BTBD8: variants seen among roughly 807,000 people sequenced by gnomAD.
The protein encoded by BTBD8 is BTB domain containing 8, also known as BTB/POZ domain-containing protein 8.
In BTBD8, 110 loss-of-function variants were observed where a neutral mutation model predicts 162.9. That is an observed-to-expected ratio of 0.68 (90% confidence interval 0.58 to 0.79). BTBD8 has a LOEUF of 0.79. BTBD8 is among the 30% of genes least tolerant of loss of function. The probability of loss-of-function intolerance (pLI) is 0.00; values close to 1 mark genes in which losing one functional copy is unlikely to be tolerated. For missense variants in BTBD8, 1,905 were observed against 2,085.4 expected (o/e 0.91, Z 1.68); for synonymous variants, 667 against 716.1 (o/e 0.93, Z 1.10).
intron 2 of BTBD8, among the ~76,000 whole-genome samples, chr1:92,099,019 T>C (rs1011104030): frequency 2.6e-5 from 4 of 152,234 alleles, no homozygotes; most frequent in Admixed American, 6.5e-5. Flanking sequence ...AACAGTTTTG[T>C]ACTTTTAGCT....
At chr1:92,101,053 G>A (rs980397666) in intron 2 of BTBD8, among the ~76,000 whole-genome samples, 3 of 152,230 alleles carry the variant, frequency 2.0e-5, no homozygotes, top group Admixed American at 1.3e-4. Context: ...TATCCAATTT[G>A]TAGTCTTTTA....
chr1:92,087,708 A>G (rs574256706), intron 1 of BTBD8, among the ~76,000 whole-genome samples: 3 of 152,340 alleles, frequency 2.0e-5, no homozygotes, highest in Admixed American at 6.5e-5. Flanking sequence ...GGAAGGAGCC[A>G]TTAACTTGGT....
chr1:92,119,908 T>C (rs927322184), intron 4 of BTBD8, among the ~76,000 whole-genome samples: 3 of 135,130 alleles, frequency 2.2e-5, no homozygotes, highest in Non-Finnish European at 4.6e-5. Flanking sequence ...TTTTTTTTTT[T>C]TTTTTTTTTT....
intron 5 of BTBD8, among the ~76,000 whole-genome samples, chr1:92,131,178 T>C (rs997091213): frequency 2.0e-5 from 3 of 152,198 alleles, no homozygotes; most frequent in Admixed American, 6.5e-5. Context: ...TTCAGAAATA[T>C]ACATTTAGAG....
Position 92,167,087 on chromosome 1 carries a change from G to GT in BTBD8, c.1253dup (p.Asp419ArgfsTer10). 1 of 1,550,522 alleles carries GT rather than the reference G, an allele frequency of 6.4e-7. No homozygotes were observed. Among genetic ancestry groups the GT allele is most frequent in the Non-Finnish European group, 8.7e-7 (1 of 1,146,986 alleles). On this transcript the variant is annotated frameshift_variant, in exon 10 of 18. Transcript: ENST00000636805. LOFTEE classifies it high-confidence loss of function. Reference sequence around the variant, plus strand: ...TCAAGAAAAATGTATTGCATTTATTGTAGACAACTTCTCCAAGATTATTCA... The same window carrying GT: ...TCAAGAAAAATGTATTGCATTTATTGTTAGACAACTTCTCCAAGATTATTCA...
intron 3 of BTBD8, among the ~76,000 whole-genome samples, chr1:92,105,047 C>T (rs1360397782): frequency 6.6e-6 from 1 of 152,046 alleles, no homozygotes; most frequent in East Asian, 1.9e-4. Context: ...ATTCTCCTGC[C>T]TCAGCCTCCC....
intron 1 of BTBD8, among the ~76,000 whole-genome samples, chr1:92,087,115 A>G (rs141715129): frequency 2.0e-5 from 3 of 152,362 alleles, no homozygotes; most frequent in South Asian, 2.1e-4. Flanking sequence ...ACATAACAAA[A>G]TATACTTGAA....
chr1:92,105,133 C>A (rs1286884132), intron 3 of BTBD8, among the ~76,000 whole-genome samples: 1 of 152,094 alleles, frequency 6.6e-6, no homozygotes, highest in African/African-American at 2.4e-5. Context: ...GGTGTTTCAC[C>A]GTGTTAGCCA....
chr1:92,139,437 A>T lies in BTBD8; in HGVS notation c.833+7A>T, dbSNP rs1204701990. On this transcript the variant is annotated splice_region_variant and intron_variant, in intron 6 of 17. Transcript: ENST00000636805. ...CAGACAAAACTAATGTTGGGTATGT[A>T]TTCCTTTTTAATAATTTAAAATATA... 1 of 1,597,892 alleles carries T rather than the reference A, an allele frequency of 6.3e-7. No individual in the cohort carries two copies. The highest frequency in any genetic ancestry group is 8.5e-7 in the Non-Finnish European group (1 of 1,175,946).
chr1:92,108,240 A>C (rs931911901), intron 4 of BTBD8, among the ~76,000 whole-genome samples: 12 of 152,232 alleles, frequency 7.9e-5, no homozygotes, highest in Non-Finnish European at 1.8e-4. Context: ...CTACCCAGAC[A>C]TGTGCATGTA....
intron 4 of BTBD8, chr1:92,114,760 C>G (rs1648988830): frequency 9.6e-6 from 2 of 207,364 alleles, no homozygotes; most frequent in South Asian, 1.8e-4. Flanking sequence ...ACACTTCTCT[C>G]TTCCTCTCAT....
At chr1:92,126,521 G>A (rs1649364851) in intron 4 of BTBD8, 3 of 570,094 alleles carry the variant, frequency 5.3e-6, no homozygotes, top group Admixed American at 4.1e-5. Flanking sequence ...CACTCATGCA[G>A]ACCGCTTTAT....
intron 1 of BTBD8, among the ~76,000 whole-genome samples, chr1:92,087,145 T>C (rs562365316): frequency 6.6e-6 from 1 of 152,280 alleles, no homozygotes; most frequent in African/African-American, 2.4e-5. Context: ...AATGGTTCTA[T>C]CAAATAAAAA....
At chr1:92,179,476 T>G (rs1202398424) in intron 16 of BTBD8, among the ~76,000 whole-genome samples, 2 of 152,212 alleles carry the variant, frequency 1.3e-5, no homozygotes, top group Non-Finnish European at 2.9e-5. Flanking sequence ...CTTAAAATGC[T>G]AAAAACAGTT....
chr1:92,083,106 A>G (rs969744327), intron 1 of BTBD8, among the ~76,000 whole-genome samples: 2 of 151,522 alleles, frequency 1.3e-5, no homozygotes, highest in Non-Finnish European at 2.9e-5. Flanking sequence ...ACTGCCCTCC[A>G]GTCTGGGCGT....
intron 1 of BTBD8, among the ~76,000 whole-genome samples, chr1:92,086,555 T>C (rs527441948): frequency 2.0e-5 from 3 of 151,748 alleles, no homozygotes; most frequent in South Asian, 4.2e-4. Flanking sequence ...CCCTTGAGCT[T>C]GGGAGGTGGT....
chr1:92,176,421 G>A (rs1650711732), intron 13 of BTBD8, among the ~76,000 whole-genome samples: 1 of 152,128 alleles, frequency 6.6e-6, no homozygotes, highest in Non-Finnish European at 1.5e-5. Context: ...ACTGTTGTGA[G>A]GATTAAGTGG....
intron 17 of BTBD8, 109 bp from the exon 18 acceptor site, chr1:92,183,755 G>GTTT (rs59910368): frequency 0.028 from 11,995 of 429,322 alleles, 157 homozygotes; most frequent in East Asian, 0.072. Context: ...CCCATTCTGT[G>GTTT]TTTTTTTTTT....
chr1:92,152,660 A>ATT (rs1010592172), intron 9 of BTBD8, among the ~76,000 whole-genome samples: 1 of 148,088 alleles, frequency 6.8e-6, no homozygotes, highest in African/African-American at 2.5e-5. Flanking sequence ...AACGAGTTTG[A>ATT]TTTTTTTTTT....
Sources: allele counts gnomAD v4.1 joint callset (sites outside exome capture counted in the v4.1 genomes callset), GRCh38; gene constraint gnomAD v4.1.1; transcripts MANE v1.5; gene names NCBI Gene and HGNC (gene_info 2026-07-23, HGNC 2026-07-21).